ADCY5: variants seen among roughly 807,000 people sequenced by gnomAD.
ADCY5 encodes adenylate cyclase 5.
A neutral mutation model predicts 119.7 loss-of-function variants in ADCY5; 30 were observed. The observed-to-expected ratio is 0.25, with a 90% CI of 0.19 to 0.34. The LOEUF is 0.34. Ranked by LOEUF, ADCY5 falls within the 10% of genes least tolerant of loss-of-function variation. The pLI is 1.00. For missense variants in ADCY5, 1,324 were observed against 1,775.2 expected, an observed-to-expected ratio of 0.75 and a Z score of 4.57; for synonymous variants, 753 against 762.2, an observed-to-expected ratio of 0.99 and a Z score of 0.20.
At chr3:123,292,395 G>A (rs1939207085) in intron 17 of ADCY5, among the ~76,000 whole-genome samples, 1 of 152,104 alleles carries the variant, frequency 6.6e-6, no homozygotes, top group African/African-American at 2.4e-5. Flanking sequence ...GGACCCCTAG[G>A]CTCAATGGCC....
intron 2 of ADCY5, among the ~76,000 whole-genome samples, chr3:123,350,806 G>C (rs548432173): frequency 6.6e-6 from 1 of 152,350 alleles, no homozygotes; most frequent in African/African-American, 2.4e-5. Context: ...CAAGGAAACT[G>C]TGGCAAGCTG....
chr3:123,314,931 C>G lies in ADCY5; in HGVS notation c.2355-609G>C, dbSNP rs115490905. Among the ~76,000 whole-genome samples the G allele has an allele frequency of 2.7e-3, 407 of 151,774 alleles. 4 individuals carry two copies. The highest frequency in any genetic ancestry group is 9.2e-3 in the African/African-American group (377 of 41,054). On this transcript the variant is annotated intron_variant, in intron 11 of 20. Coordinates refer to ENST00000462833, the MANE Select transcript of ADCY5 (RefSeq NM_183357.3). ...AACAAGTCCCGCAGTTTTTGCTCCT[C>G]GATTCCTAGCCAGTTCAACAAGCAA... is the stretch of plus-strand genomic sequence containing the variant.
At chr3:123,367,942 TC>T (rs1307798094) in intron 1 of ADCY5, 2 of 1,535,628 alleles carry the variant, frequency 1.3e-6, no homozygotes, top group South Asian at 1.2e-5. Context: ...GGCCATGTCT[TC>T]CGTGGGACAG....
chr3:123,383,922 C>T (rs1316020162), intron 1 of ADCY5, among the ~76,000 whole-genome samples: 1 of 105,462 alleles, frequency 9.5e-6, no homozygotes, highest in African/African-American at 5.0e-5. Context: ...TTCCTCAAGG[C>T]ATGCACACAC....
At chr3:123,406,214 T>A (rs1386530352) in intron 1 of ADCY5, among the ~76,000 whole-genome samples, 1 of 152,214 alleles carries the variant, frequency 6.6e-6, no homozygotes, top group East Asian at 1.9e-4. Flanking sequence ...CTGCTGTAGT[T>A]ATTCAAACTG....
At chr3:123,354,513 A>G (rs1942971962) in intron 1 of ADCY5, among the ~76,000 whole-genome samples, 2 of 152,194 alleles carry the variant, frequency 1.3e-5, no homozygotes, top group South Asian at 4.1e-4. Context: ...GACCCCAAAA[A>G]CAGGCCTCTG....
chr3:123,442,536 G>C (rs772379070), intron 1 of ADCY5, among the ~76,000 whole-genome samples: 1 of 152,218 alleles, frequency 6.6e-6, no homozygotes, highest in Non-Finnish European at 1.5e-5. Context: ...GAGGTTGATG[G>C]GGTTTAACGC....
At chr3:123,406,745 G>A (rs901888616) in intron 1 of ADCY5, among the ~76,000 whole-genome samples, 10 of 152,060 alleles carry the variant, frequency 6.6e-5, no homozygotes, top group Admixed American at 5.2e-4. Flanking sequence ...TTGGCCGACC[G>A]GGGTTGAGCA....
rs928579357 is a variant in ADCY5, at chr3:123,348,599, G to A, written c.1285-696C>T. ...CCACCTGGGGGACAGTGGCCCAGGA[G>A]AGTGGGAAAGCAAACTGACTCAGAG... On this transcript the variant is annotated intron_variant, in intron 2 of 20. Coordinates refer to ENST00000462833, the MANE Select transcript of ADCY5 (RefSeq NM_183357.3). Among the ~76,000 whole-genome samples the A allele has an allele frequency of 2.6e-5, 4 of 152,180 alleles. No individual in the cohort carries two copies. In the East Asian group the frequency reaches 7.7e-4, roughly 29 times the overall value.
chr3:123,303,299 G>A, intron 13 of ADCY5, 80 bp from the exon 14 acceptor site: 1 of 1,456,158 alleles, frequency 6.9e-7, no homozygotes, highest in Non-Finnish European at 9.4e-7. Context: ...CCAGGCCGCA[G>A]GCTCCCGCCT....
At chr3:123,356,884 C>T (rs1943057827) in intron 1 of ADCY5, among the ~76,000 whole-genome samples, 1 of 151,828 alleles carries the variant, frequency 6.6e-6, no homozygotes, top group African/African-American at 2.4e-5. Flanking sequence ...GTTATGTTCA[C>T]ACAAAAATCT....
rs1384110518 is a variant in ADCY5, at chr3:123,300,309, G to A, written c.2725-14C>T. The A allele has an allele frequency of 8.1e-6, 13 of 1,612,170 alleles. No homozygotes were observed. The East Asian group carries it at 2.2e-4, about 28-fold the overall frequency. ...GTAGGTGAAGTACTGCGGGCAGAGGGCAGCAGCATCAGCTCCCCAGGCCCT... is the reference window on the plus strand; with the variant it reads ...GTAGGTGAAGTACTGCGGGCAGAGGACAGCAGCATCAGCTCCCCAGGCCCT... On this transcript the variant is annotated splice_polypyrimidine_tract_variant and intron_variant, in intron 14 of 20. Coordinates refer to ENST00000462833, the MANE Select transcript of ADCY5 (RefSeq NM_183357.3).
intron 17 of ADCY5, among the ~76,000 whole-genome samples, chr3:123,294,818 A>G (rs569779600): frequency 1.1e-3 from 172 of 152,310 alleles, no homozygotes; most frequent in African/African-American, 4.0e-3. Context: ...CAAGGTAGAC[A>G]TGGGAGTATT....
chr3:123,448,938 C>G lies in ADCY5; in HGVS notation c.-393G>C, dbSNP rs971576306. On this transcript the variant is annotated 5_prime_UTR_variant, in exon 1 of 21. Transcript: ENST00000462833. The stretch of plus-strand genomic sequence containing the variant: ...GGTGTCCTTGCGGGCGGTGCCTCCT[C>G]GGGCCGGCAGTGCCCGGGCGCGGCG... 12 of 175,114 alleles carry G rather than the reference C, an allele frequency of 6.9e-5. No individual in the cohort carries two copies. The highest frequency in any genetic ancestry group is 2.0e-4 in the South Asian group (1 of 5,080). 10.8% of individuals were successfully genotyped at this position (175,114 alleles called of 1,614,324 possible). A position where few individuals can be genotyped will look rare whatever the true frequency, so the allele number is the denominator to read the frequency against.
At chr3:123,316,221 A>G (rs1031455486) in intron 11 of ADCY5, among the ~76,000 whole-genome samples, 5 of 152,154 alleles carry the variant, frequency 3.3e-5, no homozygotes, top group Non-Finnish European at 5.9e-5. Context: ...AAAAAACATC[A>G]GACACACCCA....
At chr3:123,328,891 G>A in intron 5 of ADCY5, 89 bp from the exon 6 acceptor site, 1 of 1,346,558 alleles carries the variant, frequency 7.4e-7, no homozygotes, top group Admixed American at 2.0e-5. Context: ...GGAAGGTGAA[G>A]GTGCGGGGGT....
At chr3:123,351,760 G>A (rs1942845690) in intron 2 of ADCY5, among the ~76,000 whole-genome samples, 1 of 152,206 alleles carries the variant, frequency 6.6e-6, no homozygotes, top group East Asian at 1.9e-4. Flanking sequence ...AAGAGGGAAG[G>A]GCTGGACCCC....
At chr3:123,373,758 G>GACCCCC (rs1943718221) in intron 1 of ADCY5, among the ~76,000 whole-genome samples, 1 of 37,074 alleles carries the variant, frequency 2.7e-5, no homozygotes, top group African/African-American at 7.2e-5. Context: ...GAAGCATCAC[G>GACCCCC]CCCCCCCCCC....
Position 123,324,403 on chromosome 3 carries a change from ACCAC to A in ADCY5, c.2088+915_2088+918del, listed in dbSNP as rs1941368084. On this transcript the variant is annotated intron_variant, in intron 8 of 20. Coordinates refer to ENST00000462833, the MANE Select transcript of ADCY5 (RefSeq NM_183357.3). ...TCCTTCACTAAGTGGCCACACAGAA[ACCAC>A]ACACACACACACACACACACACACA... Among the ~76,000 whole-genome samples, 8 of 122,160 alleles carry A rather than the reference ACCAC, an allele frequency of 6.5e-5. No individual in the cohort carries two copies. The Admixed American group carries it at 6.9e-4, about 11-fold the overall frequency. The allele number at this position is 122,160 out of a possible 152,430, so 80.1% of individuals were successfully genotyped here.
Sources: gnomAD v4.1 joint callset for allele counts (sites outside exome capture counted in the v4.1 genomes callset) on GRCh38, gnomAD v4.1.1 for gene constraint, MANE v1.5 for transcripts, NCBI Gene and HGNC (gene_info 2026-07-23, HGNC 2026-07-21) for gene names.